CFAP20DC: variants seen among roughly 807,000 people sequenced by gnomAD.
The protein encoded by CFAP20DC is protein CFAP20DC.
In CFAP20DC, 84 loss-of-function variants were observed where a neutral mutation model predicts 101.7. That is an observed-to-expected ratio of 0.83 (90% confidence interval 0.69 to 0.99). CFAP20DC has a LOEUF of 0.99. Among genes scored for constraint, CFAP20DC ranks in the 50% least tolerant of loss-of-function variants. The pLI is 0.00. For missense variants in CFAP20DC, 1,007 were observed against 970.3 expected (o/e 1.04, Z -0.50); for synonymous variants, 359 against 351.2 (o/e 1.02, Z -0.25).
At position 59,007,633 on chromosome 3, in the gene CFAP20DC, A is replaced by T. The variant is rs1217730296; in HGVS notation, c.278+31924T>A. Among the ~76,000 whole-genome samples the T allele has an allele frequency of 6.6e-6, 1 of 152,180 alleles. No homozygotes were observed. The highest frequency in any genetic ancestry group is 1.9e-4 in the East Asian group (1 of 5,178). ...CCTACATCACTGCCGTGCTACCTCCACCAGAGCAGGTGCTGGTATCATGGC... is the reference window on the plus strand; with the variant it reads ...CCTACATCACTGCCGTGCTACCTCCTCCAGAGCAGGTGCTGGTATCATGGC... On this transcript the variant is annotated intron_variant, in intron 4 of 16. Transcript: ENST00000482387. The surrounding 1 kb of genome is among the most constrained non-coding windows in gnomAD (Gnocchi z 4.4).
chr3:58,899,568 G>A lies in CFAP20DC; in HGVS notation c.550+14140C>T, dbSNP rs1244196813. On this transcript the variant is annotated intron_variant, in intron 6 of 16. Transcript: ENST00000482387. The surrounding 1 kb of genome is among the most constrained non-coding windows in gnomAD (Gnocchi z 5.0). ...TGTGTGCCTGAGTGGCTGCTCTGCT[G>A]GGACTCCACACAGCTCTGTTTATTG... is the stretch of plus-strand genomic sequence containing the variant. Among the ~76,000 whole-genome samples the A allele has an allele frequency of 6.6e-6, 1 of 152,160 alleles. No individual in the cohort carries two copies. Among genetic ancestry groups the A allele is most frequent in the Non-Finnish European group, 1.5e-5 (1 of 68,020 alleles).
intron 12 of CFAP20DC, among the ~76,000 whole-genome samples, chr3:58,849,655 A>T (rs1269996667): frequency 6.6e-6 from 1 of 152,208 alleles, no homozygotes; most frequent in Non-Finnish European, 1.5e-5. Context: ...TTTTTTACTC[A>T]TGAAAAACAA....
rs948515815 is a variant in CFAP20DC, at chr3:58,849,302, C to G, written c.1701G>C (p.Lys567Asn). 9 of 1,535,952 alleles carry G rather than the reference C, an allele frequency of 5.9e-6. No individual in the cohort carries two copies. The Admixed American group carries it at 1.8e-4, about 30-fold the overall frequency. ...CTGTGTAGGCGCTCCTTAGATATTC[C>G]TTACTTGTCCGCTTTGCAGCCTTCC... The part of the protein sequence containing the change: ...LLGKAAKRTS[K>N]EYLRSAYTEA... The change falls in exon 13 of 17, where the codon AAG (lysine) becomes AAC (asparagine). Residue 567 changes from lysine (K) to asparagine (N), a missense_variant. By Grantham distance (94) the Lys-to-Asn change is moderately conservative (BLOSUM62 0). Coordinates refer to ENST00000482387, the MANE Select transcript of CFAP20DC (RefSeq NM_001394063.1).
In CFAP20DC at chr3:58,882,874, G is replaced by T. The variant is rs2081330299; in HGVS notation, c.715+1671C>A. On this transcript the variant is annotated intron_variant, in intron 7 of 16. Transcript: ENST00000482387. This position sits in a 1 kb window ranked among gnomAD's most constrained non-coding sequence, Gnocchi z 4.2. ...CATCATACATTCTCTCGAATTTTCT[G>T]TAAGTTTGGAAATGTCATAATAAAG... Among the ~76,000 whole-genome samples, 1 of 152,154 alleles carries T rather than the reference G, an allele frequency of 6.6e-6. No homozygotes were observed. Among genetic ancestry groups the T allele is most frequent in the South Asian group, 2.1e-4 (1 of 4,832 alleles).
chr3:58,855,634 A>G (rs1416122958), intron 12 of CFAP20DC, among the ~76,000 whole-genome samples: 4 of 152,112 alleles, frequency 2.6e-5, no homozygotes, highest in Non-Finnish European at 4.4e-5. Flanking sequence ...GCACAGATAC[A>G]CCATGGAATA....
At chr3:59,044,445 C>A (rs1699677887) in intron 3 of CFAP20DC, among the ~76,000 whole-genome samples, 1 of 151,890 alleles carries the variant, frequency 6.6e-6, no homozygotes. Flanking sequence ...TATAGAAAAG[C>A]CAGATTAACT....
intron 1 of CFAP20DC, among the ~76,000 whole-genome samples, chr3:59,048,334 G>C (rs180786917): frequency 6.0e-4 from 91 of 152,312 alleles, no homozygotes; most frequent in African/African-American, 1.8e-3. Flanking sequence ...ATCACTTGGA[G>C]GTAAGACATT....
Position 59,001,056 on chromosome 3 carries a change from A to G in CFAP20DC, c.278+38501T>C, listed in dbSNP as rs935563781. Among the ~76,000 whole-genome samples, 1 of 152,152 alleles carries G rather than the reference A, an allele frequency of 6.6e-6. No individual in the cohort carries two copies. The highest frequency in any genetic ancestry group is 1.5e-5 in the Non-Finnish European group (1 of 68,022). ...AGAAGCTTAAAAAAAATTAAATGTT[A>G]CTAAAATAGGGTGCATATTGGAATT... On this transcript the variant is annotated intron_variant, in intron 4 of 16. Transcript: ENST00000482387. The surrounding 1 kb of genome is among the most constrained non-coding windows in gnomAD (Gnocchi z 4.5).
At chr3:58,814,122 GAGGC>G (rs1367932396) in intron 14 of CFAP20DC, among the ~76,000 whole-genome samples, 19 of 151,870 alleles carry the variant, frequency 1.3e-4, no homozygotes, top group Admixed American at 1.2e-3. Context: ...TTTATTTTTA[GAGGC>G]ATTTCCATGA....
intron 4 of CFAP20DC, among the ~76,000 whole-genome samples, chr3:59,008,304 T>G (rs1221609535): frequency 6.6e-6 from 1 of 152,108 alleles, no homozygotes; most frequent in Non-Finnish European, 1.5e-5. Context: ...GCATGGGAGC[T>G]CTGGTAGTTC....
intron 15 of CFAP20DC, among the ~76,000 whole-genome samples, chr3:58,757,361 CAT>C (rs761843224): frequency 7.9e-5 from 12 of 151,202 alleles, no homozygotes; most frequent in Admixed American, 1.3e-4. Context: ...ATGTAATACA[CAT>C]GTGTACATAC....
At chr3:59,020,696 G>A (rs180789845) in intron 4 of CFAP20DC, among the ~76,000 whole-genome samples, 49 of 152,150 alleles carry the variant, frequency 3.2e-4, no homozygotes, top group African/African-American at 1.1e-3. Context: ...GCAAGTAGAA[G>A]TAACATGTGC....
intron 14 of CFAP20DC, among the ~76,000 whole-genome samples, chr3:58,827,875 G>A (rs114822386): frequency 1.8e-3 from 270 of 152,344 alleles, no homozygotes; most frequent in Middle Eastern, 3.4e-3. Flanking sequence ...TGTGTGGAAT[G>A]AGTGAATGTG....
intron 4 of CFAP20DC, among the ~76,000 whole-genome samples, chr3:58,961,279 T>C (rs942678274): frequency 6.6e-6 from 1 of 152,114 alleles, no homozygotes; most frequent in Non-Finnish European, 1.5e-5. Context: ...CTTGGCCAGG[T>C]GCGGTGGCTC....
At chr3:59,027,028 C>T (rs766441692) in intron 4 of CFAP20DC, among the ~76,000 whole-genome samples, 2 of 152,154 alleles carry the variant, frequency 1.3e-5, no homozygotes, top group Non-Finnish European at 2.9e-5. Context: ...GTTAGCATTA[C>T]CATTTACTGT....
At chr3:58,718,987 A>G (rs1467860937) in intron 3 of CFAP20DC, among the ~76,000 whole-genome samples, 1 of 152,166 alleles carries the variant, frequency 6.6e-6, no homozygotes, top group Non-Finnish European at 1.5e-5. Context: ...TCATGCTTGT[A>G]ATGCCAGCAC....
intron 4 of CFAP20DC, among the ~76,000 whole-genome samples, chr3:59,030,338 T>C (rs375867209): frequency 2.8e-4 from 43 of 152,368 alleles, no homozygotes; most frequent in African/African-American, 9.6e-4. Flanking sequence ...TCCACTTTCC[T>C]TCCTGTAAAA....
intron 14 of CFAP20DC, among the ~76,000 whole-genome samples, chr3:58,828,013 GA>G (rs1482370445): frequency 6.6e-6 from 1 of 152,156 alleles, no homozygotes; most frequent in Non-Finnish European, 1.5e-5. Flanking sequence ...AAGTCTTGAG[GA>G]TAATCAGGTC....
intron 12 of CFAP20DC, among the ~76,000 whole-genome samples, chr3:58,858,997 A>T (rs58277221): frequency 6.6e-6 from 1 of 152,234 alleles, no homozygotes; most frequent in Non-Finnish European, 1.5e-5. Context: ...AAAAGTTTTC[A>T]TAACAACCAT....
Sources: gnomAD v4.1 joint callset for allele counts (sites outside exome capture counted in the v4.1 genomes callset) on GRCh38, gnomAD v4.1.1 for gene constraint, Gnocchi (gnomAD v3.1) non-coding constraint, MANE v1.5 for transcripts, NCBI Gene and HGNC (gene_info 2026-07-23, HGNC 2026-07-21) for gene names.